Variants in THSD7B observed in about 807,000 individuals in gnomAD.
The protein encoded by THSD7B is thrombospondin type-1 domain-containing protein 7B.
Under a neutral mutation model 213.6 loss-of-function variants are expected in THSD7B, and 138 were observed. The observed-to-expected ratio is 0.65, with a 90% confidence interval of 0.56 to 0.74. The LOEUF is 0.74. Ranked by LOEUF, THSD7B falls within the 30% of genes least tolerant of loss-of-function variation. The pLI is 0.00. For synonymous variants in THSD7B, 742 were observed against 687.0 expected (o/e 1.08, Z -1.25); for missense variants, 1,931 against 1,991.5 (o/e 0.97, Z 0.58).
chr2:136,963,503 G>T (rs1403678840), intron 2 of THSD7B, among the ~76,000 whole-genome samples: 2 of 152,040 alleles, frequency 1.3e-5, no homozygotes, highest in Non-Finnish European at 2.9e-5. Flanking sequence ...AATAATACTG[G>T]CATGATGGCA....
At chr2:137,629,554 A>C (rs1327356445) in intron 20 of THSD7B, among the ~76,000 whole-genome samples, 1 of 152,198 alleles carries the variant, frequency 6.6e-6, no homozygotes, top group East Asian at 1.9e-4. Context: ...CAGGAGTTCT[A>C]GGCAACTATA....
chr2:137,270,385 C>T (rs779511245), intron 10 of THSD7B, among the ~76,000 whole-genome samples: 2 of 152,140 alleles, frequency 1.3e-5, no homozygotes, highest in Non-Finnish European at 2.9e-5. Context: ...AGATCCTATA[C>T]ATCTCCTTAA....
At chr2:136,934,074 G>C (rs1338403463) in intron 2 of THSD7B, among the ~76,000 whole-genome samples, 1 of 151,970 alleles carries the variant, frequency 6.6e-6, no homozygotes, top group Non-Finnish European at 1.5e-5. Flanking sequence ...ATTAAATTAG[G>C]GGCTATTAAA....
At chr2:137,485,201 A>C (rs1185782077) in intron 15 of THSD7B, among the ~76,000 whole-genome samples, 2 of 126,166 alleles carry the variant, frequency 1.6e-5, no homozygotes, top group Admixed American at 8.6e-5. Context: ...TTTTTGTATA[A>C]GGTGTAAGGA....
chr2:137,276,389 A>T (rs1285877165), intron 12 of THSD7B, among the ~76,000 whole-genome samples: 3 of 152,088 alleles, frequency 2.0e-5, no homozygotes, highest in Non-Finnish European at 2.9e-5. Flanking sequence ...TTTTGGTGCT[A>T]ATTAAATATT....
intron 2 of THSD7B, among the ~76,000 whole-genome samples, chr2:136,996,672 A>C (rs1247664823): frequency 6.6e-6 from 1 of 152,164 alleles, no homozygotes; most frequent in Non-Finnish European, 1.5e-5. Context: ...ATGATTTAGA[A>C]ACACACTAGA....
chr2:136,963,789 G>T (rs1362066752), intron 2 of THSD7B, among the ~76,000 whole-genome samples: 3 of 152,210 alleles, frequency 2.0e-5, no homozygotes, highest in African/African-American at 7.2e-5. Flanking sequence ...GAAAGAGAAA[G>T]TGGTATTTGT....
intron 1 of THSD7B, among the ~76,000 whole-genome samples, chr2:136,826,007 T>G (rs1682641870): frequency 6.6e-6 from 1 of 152,150 alleles, no homozygotes; most frequent in Admixed American, 6.5e-5. Flanking sequence ...GCCCTGGGGA[T>G]TCGGATGTAG....
At chr2:137,315,948 A>T (rs1684088576) in intron 12 of THSD7B, among the ~76,000 whole-genome samples, 1 of 152,140 alleles carries the variant, frequency 6.6e-6, no homozygotes, top group Non-Finnish European at 1.5e-5. Context: ...TTCATTGTAC[A>T]GTTATTTTCA....
Position 137,496,229 on chromosome 2 carries a change from A to C in THSD7B, c.3138+45206A>C, listed in dbSNP as rs532994454. Among the ~76,000 whole-genome samples the C allele has an allele frequency of 3.3e-5, 5 of 152,302 alleles. No homozygotes were observed. In the East Asian group the frequency reaches 9.7e-4, roughly 29 times the overall value. Reference sequence around the variant, plus strand: ...GAGCCCTCTCATTTTGCAAGCGATGAGTAGATTCCAGGTCCAATGCTCTTA... The same window carrying C: ...GAGCCCTCTCATTTTGCAAGCGATGCGTAGATTCCAGGTCCAATGCTCTTA... On this transcript the variant is annotated intron_variant, in intron 15 of 27. Transcript: ENST00000409968.
chr2:137,451,059 A>G (rs147531793), intron 15 of THSD7B, 36 bp downstream of exon 15: 512 of 1,490,072 alleles, frequency 3.4e-4, no homozygotes, highest in Non-Finnish European at 4.2e-4. Flanking sequence ...AAAGCTAAAA[A>G]AGCTATCCTC....
At chr2:137,412,015 A>G (rs1434633923) in intron 14 of THSD7B, 143 bp downstream of exon 14, 5 of 961,464 alleles carry the variant, frequency 5.2e-6, no homozygotes, top group South Asian at 1.8e-5. Flanking sequence ...CTCATAAAAT[A>G]TGGACAGATG....
chr2:137,211,816 T>C (rs571234232), intron 7 of THSD7B, among the ~76,000 whole-genome samples: 1 of 152,232 alleles, frequency 6.6e-6, no homozygotes, highest in East Asian at 1.9e-4. Flanking sequence ...CATTTGCATA[T>C]GCACCTGCCT....
rs553573686 is a variant in THSD7B at position 137,642,714 on chromosome 2, A to G, written c.3945+81A>G. 6.3e-5 allele frequency: 94 copies of G among 1,493,096 alleles called. No homozygotes were observed. The African/African-American group carries it at 1.2e-3, about 20-fold the overall frequency. The allele number at this position is 1,493,096 out of a possible 1,614,324, so 92.5% of individuals were successfully genotyped here. ...TCTGGTCAAACCTATGCGCTGATGG[A>G]ATAAATTTCACAGCACCAGGGGTCT... On this transcript the variant is annotated intron_variant, in intron 21 of 27. Coordinates refer to ENST00000409968, the MANE Select transcript of THSD7B (RefSeq NM_001316349.2).
intron 12 of THSD7B, among the ~76,000 whole-genome samples, chr2:137,398,513 C>G (rs1396615795): frequency 6.6e-6 from 1 of 151,332 alleles, no homozygotes; most frequent in Non-Finnish European, 1.5e-5. Flanking sequence ...AGGAGGCAGT[C>G]TACCCGTTCT....
chr2:136,970,755 A>G (rs553645460), intron 2 of THSD7B, among the ~76,000 whole-genome samples: 6 of 152,346 alleles, frequency 3.9e-5, no homozygotes, highest in African/African-American at 1.4e-4. Context: ...CTTGATTTAC[A>G]GAATACCAGA....
intron 7 of THSD7B, among the ~76,000 whole-genome samples, chr2:137,229,603 G>GTT (rs1197161683): frequency 1.1e-4 from 16 of 152,148 alleles, no homozygotes; most frequent in Admixed American, 3.9e-4. Context: ...CTGTCAGCTT[G>GTT]TTTTATTGAC....
At chr2:137,237,047 C>T (rs2105060118) in intron 9 of THSD7B, among the ~76,000 whole-genome samples, 1 of 145,486 alleles carries the variant, frequency 6.9e-6, no homozygotes, top group South Asian at 2.3e-4. Flanking sequence ...GGAGGCAGAG[C>T]TTGCAGTGAG....
chr2:136,825,718 A>ATTTTTTTTTTGTTTGTTTTTTT (rs1553451022), intron 1 of THSD7B, among the ~76,000 whole-genome samples: 5 of 116,898 alleles, frequency 4.3e-5, no homozygotes, highest in East Asian at 3.7e-4. Flanking sequence ...TGCCTGGCTA[A>ATTTTTTTTTTGTTTGTTTTTTT]TTTTTTTTTT....
Sources: gnomAD v4.1 joint callset for allele counts (sites outside exome capture counted in the v4.1 genomes callset) on GRCh38, gnomAD v4.1.1 for gene constraint, MANE v1.5 for transcripts, NCBI Gene and HGNC (gene_info 2026-07-23, HGNC 2026-07-21) for gene names.